The following PLEKHM1 variants were observed in gnomAD, a reference collection of about 807,000 sequenced individuals.
PLEKHM1 encodes pleckstrin homology and RUN domain containing M1, also known as pleckstrin homology domain-containing family M member 1.
Under a neutral mutation model 94.3 loss-of-function variants are expected in PLEKHM1, and 28 were observed. The observed-to-expected ratio is 0.30, with a 90% confidence interval of 0.22 to 0.41. PLEKHM1 has a LOEUF of 0.41. Among genes scored for constraint, PLEKHM1 ranks in the 10% least tolerant of loss-of-function variants. The pLI, the probability that PLEKHM1 is intolerant of heterozygous loss-of-function variation, is 1.00. For missense variants in PLEKHM1, 907 were observed against 1,358.6 expected (o/e 0.67, Z 5.22); for synonymous variants, 424 against 581.2 (o/e 0.73, Z 3.89).
intron 7 of PLEKHM1, among the ~76,000 whole-genome samples, chr17:45,451,131 T>A (rs1157513547): frequency 6.6e-6 from 1 of 151,784 alleles, no homozygotes; most frequent in Non-Finnish European, 1.5e-5. Flanking sequence ...CACTGCTGGC[T>A]TGGCAATGCC....
At position 45,436,050 on chromosome 17, in the gene PLEKHM1, C is replaced by T. The variant is rs1214339181; in HGVS notation, c.*1808G>A. The T allele has an allele frequency of 2.2e-6, 1 of 456,638 alleles. No homozygotes were observed. Among genetic ancestry groups the T allele is most frequent in the Admixed American group, 2.3e-5 (1 of 42,590 alleles). 28.3% of individuals were successfully genotyped at this position (456,638 alleles called of 1,614,324 possible). A position where few individuals can be genotyped will look rare whatever the true frequency, so the allele number is the denominator to read the frequency against. On this transcript the variant is annotated 3_prime_UTR_variant, in exon 12 of 12. Coordinates refer to ENST00000430334, the MANE Select transcript of PLEKHM1 (RefSeq NM_014798.3). ...AATAACATTTTAAAAATAGTGTGGG[C>T]ACTACCTTTCTGAGGGAGGGGAGGC...
Position 45,475,271 on chromosome 17 carries a change from G to A in PLEKHM1, c.752C>T (p.Ser251Phe). The stretch of plus-strand genomic sequence containing the variant: ...TGAACTGGCCGTGTCCAGGCTGAGG[G>A]AGGAGGCAGTCAGCTTCTGGTTCCT... ...IRRNQKLTAS[S>F]LSLDTASSSQ... Residue 251 changes from serine to phenylalanine, a missense_variant, in exon 4 of 12, where the codon TCC becomes TTC. Physicochemically the swap from Ser to Phe is radical, Grantham distance 155 (BLOSUM62 -2). Transcript: ENST00000430334. 2 of 1,614,032 alleles carry A rather than the reference G, an allele frequency of 1.2e-6. No homozygotes were observed.
chr17:45,489,182 C>T (rs534258089), intron 1 of PLEKHM1, among the ~76,000 whole-genome samples: 1 of 152,070 alleles, frequency 6.6e-6, no homozygotes, highest in Middle Eastern at 3.2e-3. Context: ...GAAAAGAAAG[C>T]GATTCAAGAG....
intron 5 of PLEKHM1, among the ~76,000 whole-genome samples, chr17:45,463,030 C>A (rs1313192847): frequency 6.8e-6 from 1 of 146,434 alleles, no homozygotes; most frequent in South Asian, 2.2e-4. Flanking sequence ...TGCAGTGAGC[C>A]GAGATGGATG....
At chr17:45,446,830 C>G (rs1362379482) in intron 8 of PLEKHM1, among the ~76,000 whole-genome samples, 2 of 152,150 alleles carry the variant, frequency 1.3e-5, no homozygotes, top group African/African-American at 4.8e-5. Flanking sequence ...TGAATCCTGC[C>G]TCCACCACTT....
intron 5 of PLEKHM1, among the ~76,000 whole-genome samples, chr17:45,465,677 T>C (rs1204197810): frequency 1.3e-5 from 2 of 152,092 alleles, no homozygotes; most frequent in African/African-American, 4.8e-5. Context: ...ACCACTGTAC[T>C]TCAGCCTGGG....
chr17:45,454,470 T>C, intron 6 of PLEKHM1, 198 bp from the exon 7 acceptor site: 1 of 646,894 alleles, frequency 1.5e-6, no homozygotes, highest in Non-Finnish European at 2.8e-6. Flanking sequence ...CCACTGCTGC[T>C]CTTGCGTCCT....
chr17:45,442,870 G>A (rs2050491227), intron 9 of PLEKHM1, among the ~76,000 whole-genome samples: 1 of 152,162 alleles, frequency 6.6e-6, no homozygotes, highest in African/African-American at 2.4e-5. Flanking sequence ...CCTCAAGGGT[G>A]TCAGTGAGCT....
intron 7 of PLEKHM1, chr17:45,452,891 C>T (rs2050813285): frequency 4.0e-6 from 1 of 249,688 alleles, no homozygotes; most frequent in Admixed American, 5.0e-5. Context: ...ACACACAGAT[C>T]TAGGACATTT....
rs374049727 is a variant in PLEKHM1 at position 45,482,527 on chromosome 17, T to C, written c.-41-2A>G. 45 of 933,988 alleles carry C rather than the reference T, an allele frequency of 4.8e-5. 1 individual carries two copies. The highest frequency in any genetic ancestry group is 2.2e-4 in the African/African-American group (13 of 60,176). The allele number at this position is 933,988 out of a possible 1,614,324, so 57.9% of individuals were successfully genotyped here. On this transcript the variant is annotated splice_acceptor_variant, in intron 1 of 11. Transcript: ENST00000430334. LOFTEE classifies it low-confidence loss of function (5UTR_SPLICE). Reference sequence around the variant, plus strand: ...CTCCCTCAGAGAATCACATGACACCTGAAGAGACAGATGGCAGCCAGATGA... The same window carrying C: ...CTCCCTCAGAGAATCACATGACACCCGAAGAGACAGATGGCAGCCAGATGA...
intron 6 of PLEKHM1, among the ~76,000 whole-genome samples, chr17:45,457,392 C>T (rs1203032178): frequency 1.3e-5 from 2 of 151,856 alleles, no homozygotes; most frequent in African/African-American, 4.8e-5. Context: ...CGAGAAACCC[C>T]GTCTCTACTA....
chr17:45,476,286 C>G (rs1336423410), intron 3 of PLEKHM1, among the ~76,000 whole-genome samples: 1 of 151,332 alleles, frequency 6.6e-6, no homozygotes, highest in Admixed American at 6.6e-5. Context: ...GACACATCTG[C>G]TCATCTAAGG....
intron 3 of PLEKHM1, among the ~76,000 whole-genome samples, chr17:45,476,534 A>G (rs2051744057): frequency 6.6e-6 from 1 of 152,158 alleles, no homozygotes; most frequent in African/African-American, 2.4e-5. Context: ...ATAAGGCAAC[A>G]CGGGGTAATG....
Position 45,439,558 on chromosome 17 carries a change from A to G in PLEKHM1, c.2978T>C (p.Leu993Pro). 1.2e-6 allele frequency: 2 copies of G among 1,614,206 alleles called. No homozygotes were observed. The highest frequency in any genetic ancestry group is 1.7e-6 in the Non-Finnish European group (2 of 1,180,032). ...GCAGATGAAGCCGCGCTGGGTGCAC[A>G]GGTCGCAGTGGTAGACATGCTGGGA... ...FASQHVYHCD[L>P]CTQRGFICQI... Residue 993 changes from leucine (L) to proline (P), a missense_variant, in exon 11 of 12, where the codon CTG becomes CCG. Physicochemically the swap from Leu to Pro is moderately conservative, Grantham distance 98 (BLOSUM62 -3). Transcript: ENST00000430334.
chr17:45,437,828 G>A lies in PLEKHM1; in HGVS notation c.*30C>T. ...GGATGGCTGAGCCACACTCACCCCCGGCTTTCAGAGCGGGGTCAGCAGATG... is the reference window on the plus strand; with the variant it reads ...GGATGGCTGAGCCACACTCACCCCCAGCTTTCAGAGCGGGGTCAGCAGATG... On this transcript the variant is annotated 3_prime_UTR_variant, in exon 12 of 12. Coordinates refer to ENST00000430334, the MANE Select transcript of PLEKHM1 (RefSeq NM_014798.3). This position sits in a 1 kb window ranked among gnomAD's most constrained non-coding sequence, Gnocchi z 4.0. The A allele has an allele frequency of 1.9e-6, 3 of 1,553,662 alleles. No homozygotes were observed. Among genetic ancestry groups the A allele is most frequent in the Middle Eastern group, 1.7e-4 (1 of 5,948 alleles).
At chr17:45,463,030 C>T (rs1313192847) in intron 5 of PLEKHM1, among the ~76,000 whole-genome samples, 4 of 146,434 alleles carry the variant, frequency 2.7e-5, no homozygotes, top group East Asian at 2.0e-4. Flanking sequence ...TGCAGTGAGC[C>T]GAGATGGATG....
chr17:45,470,486 G>A (rs1267159826), intron 4 of PLEKHM1, among the ~76,000 whole-genome samples: 1 of 152,302 alleles, frequency 6.6e-6, no homozygotes, highest in African/African-American at 2.4e-5. Context: ...AAAATTAGTT[G>A]GGCGTGGTGG....
At chr17:45,455,525 G>C (rs376646816) in intron 6 of PLEKHM1, among the ~76,000 whole-genome samples, 87 of 152,178 alleles carry the variant, frequency 5.7e-4, no homozygotes, top group African/African-American at 2.0e-3. Flanking sequence ...GACATGTCCA[G>C]GATGAATTCC....
At position 45,480,075 on chromosome 17, in the gene PLEKHM1, C is replaced by G. The variant is rs571416814; in HGVS notation, c.49-1928G>C. 4.6e-5 allele frequency among the ~76,000 whole-genome samples: 7 copies of G among 152,170 alleles called. No homozygotes were observed. In the South Asian group the frequency reaches 1.2e-3, roughly 27 times the overall value. On this transcript the variant is annotated intron_variant, in intron 2 of 11. Transcript: ENST00000430334. The stretch of plus-strand genomic sequence containing the variant: ...AAAAGTTAAATTTGAAAAAATATAA[C>G]GGTTTTAATGAGATATAATTCATAT...
Sources: gnomAD v4.1 joint callset for allele counts (sites outside exome capture counted in the v4.1 genomes callset) on GRCh38, gnomAD v4.1.1 for gene constraint, Gnocchi (gnomAD v3.1) non-coding constraint, MANE v1.5 for transcripts, NCBI Gene and HGNC (gene_info 2026-07-23, HGNC 2026-07-21) for gene names.